The following ANAPC2 variants were observed in gnomAD, a reference collection of about 807,000 sequenced individuals.
ANAPC2 encodes anaphase promoting complex subunit 2.
A neutral mutation model predicts 84.3 loss-of-function variants in ANAPC2; 29 were observed. That is an observed-to-expected ratio of 0.34 (90% CI 0.26 to 0.47). The LOEUF is 0.47. ANAPC2 is among the 20% of genes least tolerant of loss of function. The pLI, the probability that ANAPC2 is intolerant of heterozygous loss-of-function variation, is 1.00. For synonymous variants in ANAPC2, 571 were observed against 479.4 expected, an observed-to-expected ratio of 1.19 and a Z score of -2.50; for missense variants, 857 against 1,131.7, an observed-to-expected ratio of 0.76 and a Z score of 3.48.
chr9:137,186,028 C>G (rs1197171347), intron 3 of ANAPC2, among the ~76,000 whole-genome samples, 196 bp downstream of exon 3: 1 of 152,180 alleles, frequency 6.6e-6, no homozygotes, highest in East Asian at 1.9e-4. Flanking sequence ...GAAGAGCGCA[C>G]CTCAGATGCG....
intron 1 of ANAPC2, 85 bp downstream of exon 1, chr9:137,188,331 C>A: frequency 7.0e-7 from 1 of 1,427,654 alleles, no homozygotes; most frequent in Non-Finnish European, 9.5e-7. Context: ...TGGACAGAGC[C>A]GTATGAACCC....
intron 5 of ANAPC2, 93 bp downstream of exon 5, chr9:137,183,579 G>T (rs1221724115): frequency 6.6e-7 from 1 of 1,514,814 alleles, no homozygotes; most frequent in East Asian, 2.3e-5. Context: ...TACAAGTCCA[G>T]GGCTGGCAGA....
rs199926183 is a variant in ANAPC2, at chr9:137,180,793, G to A, written c.1605C>T (p.Pro535=). 7.4e-6 allele frequency: 12 copies of A among 1,611,018 alleles called. No individual in the cohort carries two copies. Among genetic ancestry groups the A allele is most frequent in the Admixed American group, 6.7e-5 (4 of 60,010 alleles). Residue 535 remains proline, a synonymous_variant, in exon 8 of 13, where the codon CCC becomes CCT. Transcript: ENST00000323927. ...CAGCGCGTCACAGGCCTCACCGCTCGGGGCTGAAGCTGAACTGGTGCAGCA... is the reference window on the plus strand; with the variant it reads ...CAGCGCGTCACAGGCCTCACCGCTCAGGGCTGAAGCTGAACTGGTGCAGCA... The part of the protein sequence containing the change: ...DRLLHQFSFS[P]EREIRNVELL...
At chr9:137,179,051 ACC>A (rs1479191728) in intron 10 of ANAPC2, among the ~76,000 whole-genome samples, 1 of 151,856 alleles carries the variant, frequency 6.6e-6, no homozygotes. Flanking sequence ...GAAGCTGTGG[ACC>A]CTCCCTTGAA....
chr9:137,176,140 T>TGTGGAAATGTGGCCATATTTGCAAACAG (rs1471383441), intron 10 of ANAPC2: 1 of 282,528 alleles, frequency 3.5e-6, no homozygotes, highest in African/African-American at 2.2e-5. Context: ...GTAACTGAGG[T>TGTGGAAATGTGGCCATATTTGCAAACAG]GCATCCTAAC....
Position 137,179,314 on chromosome 9 carries a change from AC to A in ANAPC2, c.1890+866del, listed in dbSNP as rs1480173072. On this transcript the variant is annotated intron_variant, in intron 10 of 12. Coordinates refer to ENST00000323927, the MANE Select transcript of ANAPC2 (RefSeq NM_013366.4). Reference sequence around the variant, plus strand: ...CACACATCAGACAGAAAGCCCTGGAACCCGCCTGTGACGACCATCCCGACCC... The same window carrying A: ...CACACATCAGACAGAAAGCCCTGGAACCGCCTGTGACGACCATCCCGACCC... 3.3e-5 allele frequency among the ~76,000 whole-genome samples: 5 copies of A among 151,142 alleles called. No homozygotes were observed. The Middle Eastern group carries it at 0.01, about 311-fold the overall frequency.
chr9:137,183,541 G>T, intron 5 of ANAPC2, 131 bp downstream of exon 5: 1 of 1,370,230 alleles, frequency 7.3e-7, no homozygotes, highest in East Asian at 2.5e-5. Context: ...CTCACCAATT[G>T]CTTCTCAACC....
intron 10 of ANAPC2, 124 bp from the exon 11 acceptor site, chr9:137,175,961 G>A (rs111857095): frequency 7.9e-7 from 1 of 1,270,816 alleles, no homozygotes; most frequent in Non-Finnish European, 1.1e-6. Context: ...ACCCTGGCAG[G>A]CAGGTGAGCA....
At position 137,180,858 on chromosome 9, in the gene ANAPC2, G is replaced by A. The variant is rs1413115326; in HGVS notation, c.1540C>T (p.Leu514Phe). ...LLVSIYGSKD[L>F]FINEYRSLLA... Reference sequence around the variant, plus strand: ...AGCGAGCGGTACTCATTGATGAAGAGGTCCTTGCTGCCGTAGATGCTGACC... The same window carrying A: ...AGCGAGCGGTACTCATTGATGAAGAAGTCCTTGCTGCCGTAGATGCTGACC... Residue 514 changes from leucine (L) to phenylalanine (F), a missense_variant, in exon 8 of 13, where the codon CTC becomes TTC. Leu to Phe is a conservative substitution (Grantham distance 22). Around this residue, in one of 3 missense-constraint regions of ANAPC2, gnomAD observed 425 missense variants for 595.5 expected, o/e 0.71. Transcript: ENST00000323927. The A allele has an allele frequency of 6.2e-7, 1 of 1,613,342 alleles. No homozygotes were observed. Among genetic ancestry groups the A allele is most frequent in the East Asian group, 2.2e-5 (1 of 44,888 alleles).
Position 137,175,760 on chromosome 9 carries a change from A to G in ANAPC2, c.1968T>C (p.Ser656=). ...MDVELADRTL[S]VAVTPVQAVI... is the part of the protein sequence containing the mutation. ...CCGCCTGTACTGGGGTGACCGCCAC[A>G]GACAGCGTGCGGTCGGCCAGCTCCA... Residue 656 remains serine, a synonymous_variant, in exon 11 of 13, where the codon TCT becomes TCC. Transcript: ENST00000323927. The G allele has an allele frequency of 6.2e-7, 1 of 1,612,072 alleles. No homozygotes were observed. The highest frequency in any genetic ancestry group is 8.5e-7 in the Non-Finnish European group (1 of 1,179,574).
intron 10 of ANAPC2, chr9:137,176,801 CA>C (rs1419507875): frequency 6.6e-6 from 1 of 152,274 alleles, no homozygotes; most frequent in African/African-American, 2.4e-5. Flanking sequence ...GTGGGACCTG[CA>C]GCTGATGAGC....
At chr9:137,186,401 C>A (rs1834471160) in intron 2 of ANAPC2, 45 bp from the exon 3 acceptor site, 2 of 1,544,832 alleles carry the variant, frequency 1.3e-6, no homozygotes, top group African/African-American at 1.4e-5. Context: ...CACACACCGG[C>A]CCCTCTAGCC....
intron 3 of ANAPC2, among the ~76,000 whole-genome samples, chr9:137,185,319 C>T (rs932016431): frequency 9.9e-5 from 15 of 152,228 alleles, no homozygotes; most frequent in Admixed American, 2.6e-4. Flanking sequence ...CGCGCCAGTG[C>T]CCACACTTAT....
intron 2 of ANAPC2, chr9:137,186,675 A>G (rs1834477319): frequency 2.7e-6 from 1 of 373,812 alleles, no homozygotes; most frequent in Non-Finnish European, 4.9e-6. Flanking sequence ...CTTATCTCCT[A>G]GGATCAACTC....
chr9:137,187,346 C>G (rs765767820), intron 2 of ANAPC2, 135 bp downstream of exon 2: 16 of 1,167,850 alleles, frequency 1.4e-5, no homozygotes, highest in Non-Finnish European at 1.9e-5. Flanking sequence ...GCACAGGAAT[C>G]CCTGGGACTC....
intron 10 of ANAPC2, chr9:137,177,049 C>T (rs972154425): frequency 2.0e-5 from 3 of 152,234 alleles, no homozygotes; most frequent in African/African-American, 4.8e-5. Context: ...TCCAACTAAC[C>T]ATCTCAGCAG....
intron 10 of ANAPC2, among the ~76,000 whole-genome samples, chr9:137,178,661 C>T (rs191491250): frequency 2.0e-5 from 3 of 152,238 alleles, no homozygotes; most frequent in Non-Finnish European, 2.9e-5. Flanking sequence ...GGCCAGAGCT[C>T]GAGGTGTGGG....
rs1000254588 is a variant in ANAPC2, at chr9:137,175,320, C to T, written c.2173G>A (p.Asp725Asn). The T allele has an allele frequency of 2.5e-6, 4 of 1,612,694 alleles. No individual in the cohort carries two copies. Among genetic ancestry groups the T allele is most frequent in the Non-Finnish European group, 3.4e-6 (4 of 1,179,882 alleles). Residue 725 changes from aspartate (D) to asparagine (N), a missense_variant, in exon 12 of 13, where the codon GAC becomes AAC. Asp to Asn is a conservative substitution (Grantham distance 23). Coordinates refer to ENST00000323927, the MANE Select transcript of ANAPC2 (RefSeq NM_013366.4). ...VIEEERPQDR[D>N]NMVLIDSDDE... The stretch of plus-strand genomic sequence containing the variant: ...TCACTGTCAATGAGCACCATGTTGT[C>T]CCGGTCCTGAGGCCGCTCCTCCTCA...
In ANAPC2 at chr9:137,188,028, G is replaced by A. The variant is rs147923598; in HGVS notation, c.193C>T (p.His65Tyr). The A allele has an allele frequency of 1.8e-4, 289 of 1,613,806 alleles. 2 individuals carry two copies. In the Middle Eastern group the frequency reaches 0.013, roughly 70 times the overall value. ...TCCTCCAGGACCGAGTGTAGCCCGT[G>A]GCCCCTCAGAACCTCCACCGCCGCC... ...LRAAVEVLRG[H>Y]GLHSVLEEWF... Residue 65 changes from histidine to tyrosine, a missense_variant, in exon 2 of 13, where the codon CAC (histidine) becomes TAC (tyrosine). By Grantham distance (83) the His-to-Tyr change is moderately conservative (BLOSUM62 2). Transcript: ENST00000323927.
Sources: allele counts gnomAD v4.1 joint callset (sites outside exome capture counted in the v4.1 genomes callset), GRCh38; gene constraint gnomAD v4.1.1; regional missense constraint gnomAD v4.1.1; transcripts MANE v1.5; gene names NCBI Gene and HGNC (gene_info 2026-07-23, HGNC 2026-07-21).